NDUFA10: variants seen among roughly 807,000 people sequenced by gnomAD.
NDUFA10 encodes the protein NADH:ubiquinone oxidoreductase subunit A10.
A neutral mutation model predicts 47.8 loss-of-function variants in NDUFA10; 40 were observed. That is an observed-to-expected ratio of 0.84 (90% CI 0.65 to 1.09). The LOEUF (loss-of-function observed/expected upper bound fraction) is 1.09. Ranked by LOEUF, NDUFA10 falls within the 50% of genes least tolerant of loss-of-function variation. NDUFA10 has a pLI of 0.00. For missense variants in NDUFA10, 413 were observed against 451.1 expected, an observed-to-expected ratio of 0.92 and a Z score of 0.76; for synonymous variants, 183 against 172.2, an observed-to-expected ratio of 1.06 and a Z score of -0.49.
chr2:240,018,366 T>C, intron 4 of NDUFA10, 187 bp downstream of exon 4: 1 of 1,514,830 alleles, frequency 6.6e-7, no homozygotes, highest in Non-Finnish European at 8.9e-7. Flanking sequence ...AAGACACCTA[T>C]TTCAGGAGGG....
intron 8 of NDUFA10, among the ~76,000 whole-genome samples, chr2:240,000,900 TATG>T (rs1329835337): frequency 6.6e-5 from 10 of 152,372 alleles, no homozygotes; most frequent in Non-Finnish European, 1.5e-5. Context: ...AAACACACAC[TATG>T]ATGTTTTCAC....
At chr2:239,907,163 A>T (rs941121550) in intron 4 of NDUFA10, among the ~76,000 whole-genome samples, 3 of 152,248 alleles carry the variant, frequency 2.0e-5, no homozygotes, top group Non-Finnish European at 4.4e-5. Context: ...TGGGGAAAGG[A>T]TTCCCTATTT....
intron 4 of NDUFA10, among the ~76,000 whole-genome samples, chr2:239,931,831 CTTT>C (rs35581568): frequency 2.2e-5 from 2 of 90,184 alleles, no homozygotes; most frequent in Admixed American, 1.5e-4. Flanking sequence ...TGCACCTCTG[CTTT>C]TTTTTTTTTT....
chr2:239,921,630 G>A (rs1193319261), intron 4 of NDUFA10, among the ~76,000 whole-genome samples: 1 of 146,280 alleles, frequency 6.8e-6, no homozygotes, highest in Non-Finnish European at 1.5e-5. Flanking sequence ...ACAGAGCACT[G>A]ATTGGTGCAT....
intron 3 of NDUFA10, 181 bp downstream of exon 3, chr2:240,021,016 T>A (rs1697597618): frequency 3.0e-6 from 2 of 656,934 alleles, no homozygotes; most frequent in African/African-American, 3.6e-5. Flanking sequence ...GAAACAGCAT[T>A]AAATTAATTC....
chr2:239,919,314 C>A (rs1559281255), intron 4 of NDUFA10, among the ~76,000 whole-genome samples: 1 of 152,144 alleles, frequency 6.6e-6, no homozygotes, highest in African/African-American at 2.4e-5. Flanking sequence ...TGGGGCCTCC[C>A]ACCCCTGCTT....
rs1559290875 is a variant in NDUFA10, at chr2:239,930,866, AGGGGGGG to A, written c.295-35559_295-35553del. Reference sequence around the variant, plus strand: ...GGTGGACGGGTACAGCATGCCCAGGAGGGGGGGCAGGGTCCAGGAGGGGTGTGGCAGG... The same window carrying A: ...GGTGGACGGGTACAGCATGCCCAGGACAGGGTCCAGGAGGGGTGTGGCAGG... On this transcript the variant is annotated intron_variant, in intron 4 of 5. Transcript: ENST00000419408. Among the ~76,000 whole-genome samples, 7 of 65,814 alleles carry A rather than the reference AGGGGGGG, an allele frequency of 1.1e-4. 1 individual carries two copies. Among genetic ancestry groups the A allele is most frequent in the African/African-American group, 5.4e-4 (7 of 12,860 alleles). The allele number at this position is 65,814 out of a possible 152,430, so 43.2% of individuals were successfully genotyped here. A position where few individuals can be genotyped will look rare whatever the true frequency, so the allele number is the denominator to read the frequency against.
intron 4 of NDUFA10, among the ~76,000 whole-genome samples, chr2:239,933,730 T>C (rs1694216883): frequency 6.6e-6 from 1 of 152,054 alleles, no homozygotes; most frequent in Admixed American, 6.5e-5. Flanking sequence ...AGGAATGATA[T>C]GTAGGGCCCT....
chr2:239,952,038 C>T (rs12999186), intron 4 of NDUFA10, among the ~76,000 whole-genome samples: 1 of 152,216 alleles, frequency 6.6e-6, no homozygotes, highest in Admixed American at 6.5e-5. Context: ...CCAAAGGCTG[C>T]TGCCTGAAGT....
At chr2:239,952,717 G>A (rs890470481), downstream of NDUFA10, among the ~76,000 whole-genome samples, 2 of 152,216 alleles carry the variant, frequency 1.3e-5, no homozygotes, top group Non-Finnish European at 2.9e-5. Context: ...TCCCCACGGT[G>A]TGCACCACAT....
chr2:239,911,638 G>C (rs1347208435), intron 4 of NDUFA10, among the ~76,000 whole-genome samples: 1 of 151,030 alleles, frequency 6.6e-6, no homozygotes, highest in African/African-American at 2.4e-5. Flanking sequence ...CACTTACAAA[G>C]CCAGCCCAGC....
At chr2:239,974,833 T>G (rs1695451303) in intron 9 of NDUFA10, among the ~76,000 whole-genome samples, 1 of 148,204 alleles carries the variant, frequency 6.7e-6, no homozygotes, top group Non-Finnish European at 1.5e-5. Flanking sequence ...TTTAAAAATA[T>G]GTGACACTCT....
intron 9 of NDUFA10, among the ~76,000 whole-genome samples, chr2:239,984,332 C>G (rs7559499): frequency 5.9e-5 from 9 of 151,936 alleles, no homozygotes; most frequent in Admixed American, 1.3e-4. Context: ...AAAATGGAAA[C>G]TGGATGTGAG....
At chr2:239,900,697 T>A (rs942601327) in intron 4 of NDUFA10, among the ~76,000 whole-genome samples, 1 of 152,136 alleles carries the variant, frequency 6.6e-6, no homozygotes, top group African/African-American at 2.4e-5. Context: ...GCATTGCCGA[T>A]ATGGAGAAGT....
intron 4 of NDUFA10, among the ~76,000 whole-genome samples, chr2:239,935,430 G>A (rs1220742086): frequency 1.3e-5 from 2 of 152,214 alleles, no homozygotes; most frequent in Admixed American, 6.5e-5. Flanking sequence ...GGCCGTGTGG[G>A]GGTCAGAGAT....
chr2:239,981,452 A>T (rs1227700548), intron 9 of NDUFA10, among the ~76,000 whole-genome samples: 2 of 152,244 alleles, frequency 1.3e-5, no homozygotes, highest in Non-Finnish European at 1.5e-5. Flanking sequence ...GGAATTACCA[A>T]CAAGGAATAA....
At chr2:239,955,666 T>C (rs760898855), downstream of NDUFA10, among the ~76,000 whole-genome samples, 6 of 152,080 alleles carry the variant, frequency 3.9e-5, no homozygotes, top group African/African-American at 4.8e-5. Flanking sequence ...GACTTGGCCA[T>C]GAGGACTGAG....
chr2:239,915,512 GACAC>G (rs1280462474), intron 4 of NDUFA10, among the ~76,000 whole-genome samples: 11 of 126,908 alleles, frequency 8.7e-5, no homozygotes, highest in South Asian at 2.5e-4. Flanking sequence ...CAAATATACA[GACAC>G]ACACAGACAG....
At chr2:239,988,715 T>C (rs1696106970) in intron 9 of NDUFA10, among the ~76,000 whole-genome samples, 2 of 152,170 alleles carry the variant, frequency 1.3e-5, no homozygotes, top group Admixed American at 1.3e-4. Flanking sequence ...AGTGTGGGTT[T>C]TCTGGCCTAC....
Sources: gnomAD v4.1 joint callset for allele counts (sites outside exome capture counted in the v4.1 genomes callset) on GRCh38, gnomAD v4.1.1 for gene constraint, MANE v1.5 for transcripts, NCBI Gene and HGNC (gene_info 2026-07-23, HGNC 2026-07-21) for gene names.